The following GPD1 variants were observed in gnomAD, a reference collection of about 807,000 sequenced individuals.
The protein encoded by GPD1 is glycerol-3-phosphate dehydrogenase 1.
Under a neutral mutation model 34.4 loss-of-function variants are expected in GPD1, and 19 were observed. The ratio of observed to expected loss-of-function variants is 0.55; its 90% confidence interval spans 0.39 to 0.81. GPD1 has a LOEUF of 0.81. Among genes scored for constraint, GPD1 ranks in the 30% least tolerant of loss-of-function variants. GPD1 has a pLI of 0.00. For missense variants in GPD1, 429 were observed against 447.0 expected, an observed-to-expected ratio of 0.96 and a Z score of 0.36; for synonymous variants, 172 against 174.1, an observed-to-expected ratio of 0.99 and a Z score of 0.09.
In GPD1 at chr12:50,106,824, G is replaced by A; in HGVS notation, c.519G>A (p.Gln173=). Residue 173 remains glutamine, a synonymous_variant, in exon 5 of 8, where the codon CAG becomes CAA. Coordinates refer to ENST00000301149, the MANE Select transcript of GPD1 (RefSeq NM_005276.4). ...ETTIGCKDPA[Q]GQLLKELMQT... is the part of the protein sequence containing the mutation. Reference sequence around the variant, plus strand: ...CTTTAGGCTGCAAGGACCCGGCCCAGGGACAACTCCTGAAAGAGCTGATGC... The same window carrying A: ...CTTTAGGCTGCAAGGACCCGGCCCAAGGACAACTCCTGAAAGAGCTGATGC... 6.2e-7 allele frequency: 1 copy of A among 1,606,150 alleles called. No individual in the cohort carries two copies. Among genetic ancestry groups the A allele is most frequent in the Non-Finnish European group, 8.5e-7 (1 of 1,174,178 alleles).
chr12:50,105,325 A>C (rs1950970439), intron 2 of GPD1: 1 of 579,066 alleles, frequency 1.7e-6, no homozygotes. Flanking sequence ...GGTTTCCAGG[A>C]GTCCTCAAGA....
At chr12:50,106,965 G>T (rs906013890) in intron 5 of GPD1, 48 bp downstream of exon 5, 2 of 1,179,324 alleles carry the variant, frequency 1.7e-6, no homozygotes, top group Non-Finnish European at 2.5e-6. Flanking sequence ...AGGCCCCAAA[G>T]GAGGTCTGGC....
Position 50,109,420 on chromosome 12 carries a change from T to G in GPD1, c.954-3T>G, listed in dbSNP as rs112053189. The G allele has an allele frequency of 6.7e-7, 1 of 1,494,480 alleles. No homozygotes were observed. Among genetic ancestry groups the G allele is most frequent in the Middle Eastern group, 1.7e-4 (1 of 5,828 alleles). The allele number at this position is 1,494,480 out of a possible 1,614,324, so 92.6% of individuals were successfully genotyped here. A position where few individuals can be genotyped will look rare whatever the true frequency, so the allele number is the denominator to read the frequency against. ...AAGCTGAGCCTTTCCCTCTCCAATC[T>G]AGGTTTCCCTTGTTCATGGCTGTGT... On this transcript the variant is annotated splice_polypyrimidine_tract_variant and splice_region_variant and intron_variant, in intron 7 of 7. Coordinates refer to ENST00000301149, the MANE Select transcript of GPD1 (RefSeq NM_005276.4).
intron 4 of GPD1, 36 bp downstream of exon 4, chr12:50,106,462 C>T (rs755485045): frequency 1.3e-6 from 2 of 1,587,108 alleles, no homozygotes; most frequent in South Asian, 1.1e-5. Context: ...CACAGTGCAT[C>T]TAGTTGCATC....
At position 50,106,288 on chromosome 12, in the gene GPD1, G is replaced by T. The variant is rs35428353; in HGVS notation, c.361G>T (p.Gly121Trp). Residue 121 changes from glycine to tryptophan, a missense_variant and splice_region_variant, in exon 4 of 8, where the codon GGG becomes TGG. By Grantham distance (184) the Gly-to-Trp change is radical. Transcript: ENST00000301149. ...ANATGISLIKGVDEGPNGLKL... is the reference protein window; with the variant it reads ...ANATGISLIKWVDEGPNGLKL... ...GGCCTGAGCTCCATCCTGTGCTCAGGGGGTAGACGAGGGCCCCAATGGGCT... is the reference window on the plus strand; with the variant it reads ...GGCCTGAGCTCCATCCTGTGCTCAGTGGGTAGACGAGGGCCCCAATGGGCT... 12 of 1,607,150 alleles carry T rather than the reference G, an allele frequency of 7.5e-6. No homozygotes were observed. The highest frequency in any genetic ancestry group is 1.0e-5 in the Non-Finnish European group (12 of 1,177,834).
intron 7 of GPD1, 70 bp downstream of exon 7, chr12:50,108,200 T>C (rs1592303439): frequency 2.4e-6 from 2 of 844,598 alleles, no homozygotes. Flanking sequence ...TTCATCATCT[T>C]CCTAAACCTG....
chr12:50,107,198 C>A (rs1350183794), intron 5 of GPD1: 2 of 659,524 alleles, frequency 3.0e-6, no homozygotes, highest in Admixed American at 2.1e-5. Flanking sequence ...TCCAGGGGGA[C>A]AAGGAGATGC....
At chr12:50,104,777 C>T in intron 2 of GPD1, 26 bp downstream of exon 2, 1 of 1,600,304 alleles carries the variant, frequency 6.2e-7, no homozygotes, top group Non-Finnish European at 8.6e-7. Flanking sequence ...CTGCGAAGAA[C>T]AGGGAGAGGA....
At chr12:50,109,358 TG>T in intron 7 of GPD1, 64 bp from the exon 8 acceptor site, 1 of 832,622 alleles carries the variant, frequency 1.2e-6, no homozygotes, top group Non-Finnish European at 2.1e-6. Flanking sequence ...AGGCAGTGAG[TG>T]GGGGTGGGGG....
intron 4 of GPD1, 124 bp from the exon 5 acceptor site, chr12:50,106,681 A>T: frequency 1.5e-6 from 1 of 669,476 alleles, no homozygotes; most frequent in Non-Finnish European, 2.5e-6. Flanking sequence ...CTGAGGTGGG[A>T]GGATCGCTTA....
intron 3 of GPD1, 180 bp from the exon 4 acceptor site, chr12:50,106,108 A>G: frequency 3.2e-6 from 2 of 625,694 alleles, no homozygotes; most frequent in Non-Finnish European, 5.6e-6. Flanking sequence ...GGTATGTGGC[A>G]GGACAGTTGG....
At chr12:50,108,187 C>T in intron 7 of GPD1, 57 bp downstream of exon 7, 1 of 950,364 alleles carries the variant, frequency 1.1e-6, no homozygotes, top group Non-Finnish European at 1.7e-6. Context: ...AGTGCTCGCC[C>T]TGTTCATCAT....
At chr12:50,107,830 G>C (rs1361278850) in intron 6 of GPD1, 30 bp downstream of exon 6, 6 of 1,501,120 alleles carry the variant, frequency 4.0e-6, no homozygotes, top group South Asian at 1.1e-5. Flanking sequence ...AGAACAGAGG[G>C]GCGGCTCTGT....
At chr12:50,109,218 A>G (rs1203913701) in intron 7 of GPD1, among the ~76,000 whole-genome samples, 1 of 151,796 alleles carries the variant, frequency 6.6e-6, no homozygotes, top group East Asian at 1.9e-4. Flanking sequence ...CCAGTTCAAC[A>G]TGGTAGGGAG....
intron 5 of GPD1, chr12:50,107,366 A>G (rs1950987085): frequency 8.6e-6 from 6 of 699,352 alleles, no homozygotes; most frequent in Non-Finnish European, 1.0e-5. Context: ...AATGTCCTCG[A>G]GGAGGGAGTA....
rs752239622 is a variant in GPD1 at position 50,105,592 on chromosome 12, C to A, written c.264C>A (p.Ile88=). 2.7e-5 allele frequency: 44 copies of A among 1,614,058 alleles called. No individual in the cohort carries two copies. In the Admixed American group the frequency reaches 7.3e-4, roughly 27 times the overall value. ...DVVQAAEDAD[I]LIFVVPHQFI... ...TCCAGGCTGCAGAGGATGCTGACAT[C>A]CTGATCTTTGTGGTGCCCCATCAGT... Residue 88 remains isoleucine, a synonymous_variant, in exon 3 of 8, where the codon ATC becomes ATA. Coordinates refer to ENST00000301149, the MANE Select transcript of GPD1 (RefSeq NM_005276.4).
Position 50,108,109 on chromosome 12 carries a change from A to G in GPD1, c.932A>G (p.Gln311Arg). 1.2e-6 allele frequency: 2 copies of G among 1,607,014 alleles called. No homozygotes were observed. The highest frequency in any genetic ancestry group is 4.5e-5 in the East Asian group (2 of 44,860). ...ETARELYSIL[Q>R]HKGLVDKFPL... ...GCCCGGGAGCTATACAGCATCCTCC[A>G]GCACAAGGGCCTGGTAGACAAGTAA... The change falls in exon 7 of 8, where the codon CAG (glutamine) becomes CGG (arginine). Residue 311 changes from glutamine to arginine, a missense_variant. Physicochemically the swap from Gln to Arg is conservative, Grantham distance 43. Transcript: ENST00000301149.
At chr12:50,106,564 G>A (rs1592301843) in intron 4 of GPD1, 138 bp downstream of exon 4, 3 of 875,740 alleles carry the variant, frequency 3.4e-6, no homozygotes, top group Non-Finnish European at 5.3e-6. Context: ...AGGAGGCTGG[G>A]ACACCCCCAG....
Position 50,110,032 on chromosome 12 carries a change from C to T in GPD1, c.*513C>T. ...CCCCTTTGCTGACCTCTGCCAGGAC[C>T]CACACAGCTTCGATGGATCTCAGTG... On this transcript the variant is annotated 3_prime_UTR_variant, in exon 8 of 8. Coordinates refer to ENST00000301149, the MANE Select transcript of GPD1 (RefSeq NM_005276.4). The T allele has an allele frequency of 6.5e-6, 1 of 153,612 alleles. No homozygotes were observed. The highest frequency in any genetic ancestry group is 1.9e-4 in the East Asian group (1 of 5,218). 9.5% of individuals were successfully genotyped at this position (153,612 alleles called of 1,614,324 possible). A position where few individuals can be genotyped will look rare whatever the true frequency, so the allele number is the denominator to read the frequency against.
Sources: gnomAD v4.1 joint callset for allele counts (sites outside exome capture counted in the v4.1 genomes callset) on GRCh38, gnomAD v4.1.1 for gene constraint, MANE v1.5 for transcripts, NCBI Gene and HGNC (gene_info 2026-07-23, HGNC 2026-07-21) for gene names.